The following KLHDC1 variants were observed in gnomAD, a reference collection of about 807,000 sequenced individuals.
The protein encoded by KLHDC1 is kelch domain-containing protein 1.
In KLHDC1, 53 loss-of-function variants were observed where a neutral mutation model predicts 68.3. The ratio of observed to expected loss-of-function variants is 0.78; its 90% confidence interval spans 0.62 to 0.98. The LOEUF is 0.98. KLHDC1 is among the 50% of genes least tolerant of loss of function. The pLI, the probability that KLHDC1 is intolerant of heterozygous loss-of-function variation, is 0.00. For synonymous variants in KLHDC1, 148 were observed against 159.0 expected (o/e 0.93, Z 0.52); for missense variants, 470 against 492.3 (o/e 0.95, Z 0.43).
chr14:49,750,921 A>C (rs970847494), intron 12 of KLHDC1: 1 of 152,168 alleles, frequency 6.6e-6, no homozygotes, highest in Non-Finnish European at 1.5e-5. Context: ...CTCTGGGTCA[A>C]ATAAGTCAAG....
At chr14:49,708,733 A>C (rs1337919497) in intron 1 of KLHDC1, 1 of 153,892 alleles carries the variant, frequency 6.5e-6, no homozygotes, top group Non-Finnish European at 1.4e-5. Context: ...TAAGATATTT[A>C]ATTGTATCTT....
rs1258990306 is a variant in KLHDC1, at chr14:49,709,696, A to T, written c.168-13A>T. 4.8e-6 allele frequency: 7 copies of T among 1,462,066 alleles called. No homozygotes were observed. The highest frequency in any genetic ancestry group is 6.6e-6 in the Non-Finnish European group (7 of 1,068,616). The allele number at this position is 1,462,066 out of a possible 1,614,324, so 90.6% of individuals were successfully genotyped here. A position where few individuals can be genotyped will look rare whatever the true frequency, so the allele number is the denominator to read the frequency against. ...CTGGAAAGTTATGGGATTCCATGTTATTCTTGCTGCAGGAGAATGCACCTC... is the reference window on the plus strand; with the variant it reads ...CTGGAAAGTTATGGGATTCCATGTTTTTCTTGCTGCAGGAGAATGCACCTC... On this transcript the variant is annotated splice_polypyrimidine_tract_variant and intron_variant, in intron 2 of 12. Coordinates refer to ENST00000359332, the MANE Select transcript of KLHDC1 (RefSeq NM_172193.3).
chr14:49,709,942 A>G (rs1375322339), intron 3 of KLHDC1, 116 bp downstream of exon 3: 4 of 574,348 alleles, frequency 7.0e-6, no homozygotes, highest in Non-Finnish European at 1.2e-5. Context: ...TTAAACTTGT[A>G]ATTAAATATT....
chr14:49,693,209 G>A lies in KLHDC1; in HGVS notation c.15G>A (p.Gln5=). The change falls in exon 1 of 13, where the codon CAG becomes CAA. Residue 5 remains glutamine, a synonymous_variant. Coordinates refer to ENST00000359332, the MANE Select transcript of KLHDC1 (RefSeq NM_172193.3). MADS[Q]LFCVAEERSG... is the part of the protein sequence containing the mutation. ...CGACGGCGCGAATGGCGGACTCTCA[G>A]CTGTTCTGTGTGGCGGAGGAACGCA... 1 of 1,582,718 alleles carries A rather than the reference G, an allele frequency of 6.3e-7. No individual in the cohort carries two copies. Among genetic ancestry groups the A allele is most frequent in the Non-Finnish European group, 8.6e-7 (1 of 1,166,162 alleles).
intron 10 of KLHDC1, among the ~76,000 whole-genome samples, chr14:49,739,411 C>T (rs1020150593): frequency 1.4e-4 from 21 of 152,056 alleles, no homozygotes; most frequent in African/African-American, 5.1e-4. Flanking sequence ...TGGTTAGAGG[C>T]AATATTTGAA....
chr14:49,748,388 C>T (rs1012035164), intron 12 of KLHDC1, among the ~76,000 whole-genome samples: 1 of 152,116 alleles, frequency 6.6e-6, no homozygotes, highest in African/African-American at 2.4e-5. Context: ...GCTGCACACA[C>T]AACAATTTTC....
intron 1 of KLHDC1, among the ~76,000 whole-genome samples, chr14:49,695,300 G>T (rs924013969): frequency 6.6e-6 from 1 of 152,100 alleles, no homozygotes; most frequent in Non-Finnish European, 1.5e-5. Flanking sequence ...GCCCAGCCAT[G>T]AAATGTATTT....
intron 5 of KLHDC1, among the ~76,000 whole-genome samples, chr14:49,725,161 C>A (rs1253171182): frequency 1.3e-5 from 2 of 152,036 alleles, no homozygotes; most frequent in Admixed American, 6.6e-5. Context: ...TATGGTATAG[C>A]TGCTAAGTCT....
chr14:49,743,636 GATTT>G (rs1889122293), intron 11 of KLHDC1, 113 bp from the exon 12 acceptor site: 1 of 628,394 alleles, frequency 1.6e-6, no homozygotes, highest in Non-Finnish European at 2.8e-6. Context: ...CAGCTAGAAA[GATTT>G]ATTTGCTGCC....
At chr14:49,702,730 C>T (rs1322687540) in intron 1 of KLHDC1, among the ~76,000 whole-genome samples, 2 of 152,232 alleles carry the variant, frequency 1.3e-5, no homozygotes, top group Admixed American at 6.5e-5. Flanking sequence ...AAGTCAGGTA[C>T]TAACTTTTCC....
intron 6 of KLHDC1, 69 bp downstream of exon 6, chr14:49,725,838 G>GTT: frequency 1.0e-5 from 8 of 765,780 alleles, no homozygotes; most frequent in South Asian, 1.9e-5. Flanking sequence ...TGGATTTTGG[G>GTT]TTTTTTTTTG....
At chr14:49,704,861 TTTTA>T (rs1188565253) in intron 1 of KLHDC1, among the ~76,000 whole-genome samples, 4 of 152,090 alleles carry the variant, frequency 2.6e-5, no homozygotes, top group Non-Finnish European at 5.9e-5. Flanking sequence ...TCAATAAATA[TTTTA>T]TTTGTCTTTT....
rs1327398197 is a variant in KLHDC1, at chr14:49,693,246, G to A, written c.52G>A (p.Ala18Thr). The A allele has an allele frequency of 6.4e-7, 1 of 1,573,198 alleles. No homozygotes were observed. The highest frequency in any genetic ancestry group is 1.8e-5 in the Admixed American group (1 of 55,490). ...CVAEERSGHC[A>T]VVDGNFLYVW... Reference sequence around the variant, plus strand: ...GGCGGAGGAACGCAGCGGCCACTGCGCCGTGGTGGACGGAAACTTCCTCTA... The same window carrying A: ...GGCGGAGGAACGCAGCGGCCACTGCACCGTGGTGGACGGAAACTTCCTCTA... The change falls in exon 1 of 13, where the codon GCC becomes ACC. Residue 18 changes from alanine to threonine, a missense_variant. Coordinates refer to ENST00000359332, the MANE Select transcript of KLHDC1 (RefSeq NM_172193.3).
chr14:49,720,640 A>G (rs1032288639), intron 4 of KLHDC1, among the ~76,000 whole-genome samples: 1 of 152,018 alleles, frequency 6.6e-6, no homozygotes, highest in African/African-American at 2.4e-5. Context: ...TAATTATATT[A>G]TCAAATATTT....
chr14:49,694,714 C>T (rs1170313850), intron 1 of KLHDC1, among the ~76,000 whole-genome samples: 1 of 152,056 alleles, frequency 6.6e-6, no homozygotes, highest in Non-Finnish European at 1.5e-5. Context: ...ATTAGCCGGA[C>T]ATGGTGGCGG....
chr14:49,693,899 A>C (rs894981792), intron 1 of KLHDC1, among the ~76,000 whole-genome samples: 1 of 151,096 alleles, frequency 6.6e-6, no homozygotes, highest in Non-Finnish European at 1.5e-5. Context: ...GCTTACCGGC[A>C]TGTGCCATCA....
chr14:49,700,182 A>G (rs974678963), intron 1 of KLHDC1: 5 of 212,132 alleles, frequency 2.4e-5, no homozygotes, highest in East Asian at 1.7e-4. Context: ...GCTTCCCACC[A>G]TGCCCAGGTA....
intron 12 of KLHDC1, among the ~76,000 whole-genome samples, chr14:49,751,369 A>G (rs1396202133): frequency 2.0e-5 from 3 of 152,156 alleles, no homozygotes; most frequent in Non-Finnish European, 4.4e-5. Flanking sequence ...CCCATTTTCT[A>G]TGACATGATT....
intron 1 of KLHDC1, among the ~76,000 whole-genome samples, chr14:49,693,979 C>T (rs1169781363): frequency 1.3e-5 from 2 of 151,508 alleles, no homozygotes; most frequent in African/African-American, 2.4e-5. Flanking sequence ...CTTGAACTCG[C>T]GACCTCAGGT....
Sources: gnomAD v4.1 joint callset for allele counts (sites outside exome capture counted in the v4.1 genomes callset) on GRCh38, gnomAD v4.1.1 for gene constraint, MANE v1.5 for transcripts, NCBI Gene and HGNC (gene_info 2026-07-23, HGNC 2026-07-21) for gene names.